The following CDC45 variants were observed in gnomAD, a reference collection of about 807,000 sequenced individuals.
CDC45 encodes cell division cycle 45, also known as cell division control protein 45 homolog.
In CDC45, 54 loss-of-function variants were observed where a neutral mutation model predicts 77.8. That is an observed-to-expected ratio of 0.69 (90% CI 0.56 to 0.87). The LOEUF (loss-of-function observed/expected upper bound fraction) is 0.87, where lower values mean the gene tolerates loss of function less well. CDC45 is among the 40% of genes least tolerant of loss of function. The probability of loss-of-function intolerance (pLI) is 0.00; values close to 1 mark genes in which losing one functional copy is unlikely to be tolerated. For synonymous variants in CDC45, 260 were observed against 272.1 expected (o/e 0.96, Z 0.44); for missense variants, 649 against 721.6 (o/e 0.90, Z 1.15).
At position 19,480,347 on chromosome 22, in the gene CDC45, G is replaced by A; in HGVS notation, c.111+130G>A. 4.7e-6 allele frequency: 4 copies of A among 852,600 alleles called. No homozygotes were observed. In the East Asian group the frequency reaches 7.3e-5, roughly 16 times the overall value. The allele number at this position is 852,600 out of a possible 1,614,324, so 52.8% of individuals were successfully genotyped here. ...GGTGGGAGAGGGAGCAGGGCAGGAG[G>A]TGAACAGCAAGTGAGAGGAGAGAGA... is the stretch of plus-strand genomic sequence containing the variant. On this transcript the variant is annotated intron_variant, in intron 2 of 18. Coordinates refer to ENST00000263201, the MANE Select transcript of CDC45 (RefSeq NM_003504.5).
intron 1 of CDC45, 23 bp downstream of exon 1, chr22:19,480,042 C>A (rs769525949): frequency 6.2e-7 from 1 of 1,613,876 alleles, no homozygotes; most frequent in Non-Finnish European, 8.5e-7. Flanking sequence ...CCGGGACCCC[C>A]GCCGAGGCCT....
chr22:19,489,662 T>C (rs2090125370), intron 5 of CDC45, among the ~76,000 whole-genome samples: 1 of 152,240 alleles, frequency 6.6e-6, no homozygotes, highest in South Asian at 2.1e-4. Context: ...AAACAAACAA[T>C]ATTTATTATT....
Position 19,494,207 on chromosome 22 carries a change from C to T in CDC45, c.487-120C>T, listed in dbSNP as rs181216888. On this transcript the variant is annotated intron_variant, in intron 5 of 18. Coordinates refer to ENST00000263201, the MANE Select transcript of CDC45 (RefSeq NM_003504.5). ...GCTGTGCTCGGGGCACTGGTGTGACCGTGTTCTCTCTCAGGGGTCTGGGCC... is the reference window on the plus strand; with the variant it reads ...GCTGTGCTCGGGGCACTGGTGTGACTGTGTTCTCTCTCAGGGGTCTGGGCC... 1.1e-3 allele frequency: 907 copies of T among 807,608 alleles called. 3 individuals carry two copies. The highest frequency in any genetic ancestry group is 1.5e-3 in the Non-Finnish European group (732 of 474,898). 50.0% of individuals were successfully genotyped at this position (807,608 alleles called of 1,614,324 possible). A position where few individuals can be genotyped will look rare whatever the true frequency, so the allele number is the denominator to read the frequency against.
intron 5 of CDC45, among the ~76,000 whole-genome samples, chr22:19,488,035 C>A (rs1220004993): frequency 6.6e-6 from 1 of 152,028 alleles, no homozygotes; most frequent in African/African-American, 2.4e-5. Flanking sequence ...AGATGAGAGT[C>A]CGCTATAAAA....
upstream of CDC45, chr22:19,479,690 A>G (rs2089939843): frequency 2.9e-6 from 2 of 688,434 alleles, no homozygotes; most frequent in Non-Finnish European, 2.7e-6. Flanking sequence ...TTTTCTGGGT[A>G]AAAGCGAGTC....
At chr22:19,494,403 G>A (rs780666178) in intron 6 of CDC45, 21 bp downstream of exon 6, 1 of 1,612,554 alleles carries the variant, frequency 6.2e-7, no homozygotes, top group Admixed American at 1.7e-5. Context: ...GCTTCCAGCT[G>A]CTCCCAGCAC....
chr22:19,497,820 T>C (rs1224590511), intron 8 of CDC45, among the ~76,000 whole-genome samples: 1 of 151,904 alleles, frequency 6.6e-6, no homozygotes, highest in Admixed American at 6.6e-5. Context: ...CCCAGTACTT[T>C]GGGAGGCCGA....
intron 17 of CDC45, 31 bp downstream of exon 17, chr22:19,516,924 T>A: frequency 1.3e-6 from 2 of 1,579,266 alleles, no homozygotes; most frequent in Non-Finnish European, 1.7e-6. Flanking sequence ...TGCCACACTT[T>A]CCCACCTGAC....
At chr22:19,499,716 G>T (rs781770411) in intron 9 of CDC45, among the ~76,000 whole-genome samples, 13 of 152,214 alleles carry the variant, frequency 8.5e-5, no homozygotes, top group Admixed American at 3.9e-4. Context: ...AGGGCGAAGT[G>T]GGGGTTGGCT....
intron 9 of CDC45, chr22:19,504,971 T>G: frequency 4.8e-6 from 1 of 209,966 alleles, no homozygotes; most frequent in Non-Finnish European, 9.7e-6. Context: ...TGGGTTCATT[T>G]TCATTTCTCC....
chr22:19,500,783 G>T (rs1481136824), intron 9 of CDC45, among the ~76,000 whole-genome samples: 1 of 152,144 alleles, frequency 6.6e-6, no homozygotes, highest in African/African-American at 2.4e-5. Flanking sequence ...CTTACTTGGT[G>T]CCCTGCAATC....
In CDC45 at chr22:19,484,023, A is replaced by G. The variant is rs1295051723; in HGVS notation, c.486+18A>G. 6.3e-7 allele frequency: 1 copy of G among 1,582,236 alleles called. No homozygotes were observed. The highest frequency in any genetic ancestry group is 8.5e-7 in the Non-Finnish European group (1 of 1,170,092). ...TAGAAGAGGTGAGTTTGGGTCTCTC[A>G]CAGCTATCCCAGAGGAACTTGCACT... is the stretch of plus-strand genomic sequence containing the variant. On this transcript the variant is annotated intron_variant, in intron 5 of 18. Transcript: ENST00000263201.
intron 5 of CDC45, among the ~76,000 whole-genome samples, chr22:19,487,761 A>C (rs1412211103): frequency 1.3e-5 from 2 of 151,530 alleles, no homozygotes; most frequent in African/African-American, 4.9e-5. Flanking sequence ...AAATACAAAA[A>C]ATTTCCCGGG....
intron 8 of CDC45, among the ~76,000 whole-genome samples, 172 bp downstream of exon 8, chr22:19,497,619 C>T (rs2090265928): frequency 6.6e-6 from 1 of 152,162 alleles, no homozygotes; most frequent in Admixed American, 6.5e-5. Flanking sequence ...AACTGTGAAG[C>T]CCTGGGAGCT....
At chr22:19,479,728 G>A, upstream of CDC45, 3 of 670,056 alleles carry the variant, frequency 4.5e-6, no homozygotes, top group South Asian at 1.6e-5. Context: ...CAGTGTTTGC[G>A]TTCGGCCTCA....
At chr22:19,507,295 G>C in intron 10 of CDC45, 91 bp from the exon 11 acceptor site, 1 of 1,494,890 alleles carries the variant, frequency 6.7e-7, no homozygotes, top group African/African-American at 1.4e-5. Flanking sequence ...GTGAGAAAGG[G>C]CCCCGCCATC....
chr22:19,501,171 C>A (rs1932889090), intron 9 of CDC45, among the ~76,000 whole-genome samples: 1 of 151,972 alleles, frequency 6.6e-6, no homozygotes, highest in African/African-American at 2.4e-5. Flanking sequence ...CAGAACAAGA[C>A]TCCGTCTCAA....
chr22:19,487,910 C>CA (rs11291499), intron 5 of CDC45, among the ~76,000 whole-genome samples: 32,091 of 68,768 alleles, frequency 0.47, 7,345 homozygotes, highest in Non-Finnish European at 0.55. Context: ...GACTCCGTCT[C>CA]AAAAAAAAAA....
chr22:19,485,771 A>G (rs960346583), intron 5 of CDC45, among the ~76,000 whole-genome samples: 1 of 152,206 alleles, frequency 6.6e-6, no homozygotes, highest in Non-Finnish European at 1.5e-5. Flanking sequence ...AGTACAGTGA[A>G]TATCCATGTA....
Sources: gnomAD v4.1 joint callset for allele counts (sites outside exome capture counted in the v4.1 genomes callset) on GRCh38, gnomAD v4.1.1 for gene constraint, MANE v1.5 for transcripts, NCBI Gene and HGNC (gene_info 2026-07-23, HGNC 2026-07-21) for gene names.